Variants in CCSER1 observed in about 807,000 individuals in gnomAD.
CCSER1 encodes the protein coiled-coil serine rich protein 1.
A neutral mutation model predicts 82.0 loss-of-function variants in CCSER1; 41 were observed. The ratio of observed to expected loss-of-function variants is 0.50; its 90% CI spans 0.39 to 0.65. The LOEUF (loss-of-function observed/expected upper bound fraction) is 0.65, where lower values mean the gene tolerates loss of function less well. Among genes scored for constraint, CCSER1 ranks in the 30% least tolerant of loss-of-function variants. CCSER1 has a pLI of 0.00. For missense variants in CCSER1, 1,119 were observed against 1,064.2 expected (o/e 1.05, Z -0.72); for synonymous variants, 414 against 383.9 (o/e 1.08, Z -0.92).
chr4:90,631,081 G>A (rs1378742069), intron 6 of CCSER1, among the ~76,000 whole-genome samples: 1 of 151,872 alleles, frequency 6.6e-6, no homozygotes, highest in Non-Finnish European at 1.5e-5. Flanking sequence ...TTTTAGTAGA[G>A]ACGGGGTTTC....
At chr4:91,243,681 G>C (rs1187975700) in intron 10 of CCSER1, among the ~76,000 whole-genome samples, 1 of 152,146 alleles carries the variant, frequency 6.6e-6, no homozygotes, top group Non-Finnish European at 1.5e-5. Flanking sequence ...AGCAACCTCT[G>C]CTTTGAAGGG....
In CCSER1 at chr4:90,700,051, A is replaced by G. The variant is rs1324318276; in HGVS notation, c.1933-23863A>G. ...TGTGTACGACATGCAGGTTTGTTAC[A>G]TATGTATACATGTGCCATGTTGGTG... On this transcript the variant is annotated intron_variant, in intron 6 of 10. Transcript: ENST00000509176. Among the ~76,000 whole-genome samples the G allele has an allele frequency of 5.3e-5, 8 of 151,618 alleles. No homozygotes were observed. The East Asian group carries it at 5.8e-4, about 11-fold the overall frequency.
chr4:90,384,745 T>A (rs190079310), intron 3 of CCSER1, among the ~76,000 whole-genome samples: 1 of 152,322 alleles, frequency 6.6e-6, no homozygotes, highest in East Asian at 1.9e-4. Flanking sequence ...TTTTAATTTT[T>A]ATTTCAATAG....
chr4:90,685,732 T>C (rs1232367394), intron 6 of CCSER1, among the ~76,000 whole-genome samples: 1 of 152,196 alleles, frequency 6.6e-6, no homozygotes, highest in Non-Finnish European at 1.5e-5. Context: ...AAAGACAACT[T>C]ACATGAACAC....
At chr4:90,550,955 T>G (rs1030297738) in intron 5 of CCSER1, among the ~76,000 whole-genome samples, 4 of 152,140 alleles carry the variant, frequency 2.6e-5, no homozygotes, top group Admixed American at 6.6e-5. Flanking sequence ...AATACTTTTA[T>G]TCTTGAGTTT....
intron 9 of CCSER1, among the ~76,000 whole-genome samples, chr4:91,084,454 T>C (rs1723153808): frequency 6.6e-6 from 1 of 152,130 alleles, no homozygotes; most frequent in African/African-American, 2.4e-5. Context: ...TTGAGAGATA[T>C]TATGTAATTT....
chr4:90,877,628 C>A (rs1767373903), intron 8 of CCSER1, among the ~76,000 whole-genome samples: 1 of 150,146 alleles, frequency 6.7e-6, no homozygotes, highest in East Asian at 2.0e-4. Context: ...AAAAACAAAT[C>A]TATTTTCCCC....
intron 9 of CCSER1, among the ~76,000 whole-genome samples, chr4:91,075,799 A>G (rs1447093917): frequency 6.6e-6 from 1 of 152,148 alleles, no homozygotes; most frequent in African/African-American, 2.4e-5. Flanking sequence ...CCCTTGTGCT[A>G]AATGTTATTT....
chr4:90,934,578 T>A (rs1046119226), intron 9 of CCSER1, among the ~76,000 whole-genome samples: 1 of 152,056 alleles, frequency 6.6e-6, no homozygotes, highest in South Asian at 2.1e-4. Context: ...AAAATCCAAA[T>A]GGGCAGTATT....
Position 90,308,363 on chromosome 4 carries a change from G to A in CCSER1, c.79G>A (p.Asp27Asn). 1.9e-6 allele frequency: 3 copies of A among 1,613,336 alleles called. No individual in the cohort carries two copies. Among genetic ancestry groups the A allele is most frequent in the Non-Finnish European group, 2.5e-6 (3 of 1,179,636 alleles). Residue 27 changes from aspartate to asparagine, a missense_variant, in exon 2 of 11, where the codon GAT becomes AAT. Asp to Asn is a conservative substitution (Grantham distance 23). Transcript: ENST00000509176. ...IFRRSINRRH[D>N]SLPSSPSSSN... ...CAGAAGAAGTATTAACAGAAGACATGATTCTCTTCCTTCTTCACCTTCTTC... is the reference window on the plus strand; with the variant it reads ...CAGAAGAAGTATTAACAGAAGACATAATTCTCTTCCTTCTTCACCTTCTTC...
chr4:90,856,606 A>G (rs1414483727), intron 8 of CCSER1, among the ~76,000 whole-genome samples: 1 of 152,150 alleles, frequency 6.6e-6, no homozygotes, highest in Non-Finnish European at 1.5e-5. Flanking sequence ...TAAAAGAAGT[A>G]TGGCATAATA....
intron 6 of CCSER1, among the ~76,000 whole-genome samples, chr4:90,706,063 G>A (rs116123531): frequency 0.018 from 2,724 of 152,222 alleles, 65 homozygotes; most frequent in African/African-American, 0.055. Context: ...CTTCTGGGTC[G>A]CTCATGTTGG....
intron 5 of CCSER1, among the ~76,000 whole-genome samples, chr4:90,617,830 T>G (rs868234327): frequency 1.3e-5 from 2 of 152,194 alleles, no homozygotes; most frequent in Non-Finnish European, 1.5e-5. Context: ...TTCTTACTAA[T>G]CTCAAGGATT....
chr4:91,321,680 G>T (rs866299345), intron 10 of CCSER1, among the ~76,000 whole-genome samples: 25 of 151,980 alleles, frequency 1.6e-4, no homozygotes, highest in Middle Eastern at 6.8e-3. Context: ...TTTTATAAAT[G>T]AAATCATGCT....
intron 6 of CCSER1, among the ~76,000 whole-genome samples, chr4:90,648,323 AAGAAAG>A (rs1222703992): frequency 1.3e-5 from 2 of 151,670 alleles, no homozygotes; most frequent in East Asian, 3.9e-4. Flanking sequence ...GAAAGAAAGA[AAGAAAG>A]AAAGAAAGAA....
At chr4:90,817,752 T>A (rs931717508) in intron 8 of CCSER1, among the ~76,000 whole-genome samples, 1 of 152,042 alleles carries the variant, frequency 6.6e-6, no homozygotes, top group Non-Finnish European at 1.5e-5. Context: ...GGAAAAAAAA[T>A]TGTCATTCAA....
chr4:91,296,245 C>T (rs1744152255), intron 10 of CCSER1, among the ~76,000 whole-genome samples: 2 of 151,356 alleles, frequency 1.3e-5, no homozygotes, highest in Admixed American at 1.3e-4. Context: ...AGAGAAAGCT[C>T]ATTTTATTAG....
At chr4:91,185,700 C>G (rs1035661250) in intron 10 of CCSER1, among the ~76,000 whole-genome samples, 1 of 152,184 alleles carries the variant, frequency 6.6e-6, no homozygotes, top group African/African-American at 2.4e-5. Flanking sequence ...TTTTCCTTTT[C>G]TACATTTTGG....
chr4:90,791,259 T>C (rs1444924801), intron 7 of CCSER1, among the ~76,000 whole-genome samples: 1 of 152,182 alleles, frequency 6.6e-6, no homozygotes, highest in Non-Finnish European at 1.5e-5. Context: ...TTAAGGGAAC[T>C]ACAATTCAAG....
Sources: gnomAD v4.1 joint callset for allele counts (sites outside exome capture counted in the v4.1 genomes callset) on GRCh38, gnomAD v4.1.1 for gene constraint, MANE v1.5 for transcripts, NCBI Gene and HGNC (gene_info 2026-07-23, HGNC 2026-07-21) for gene names.